The following NEB variants were observed in gnomAD, a reference collection of about 807,000 sequenced individuals.
NEB encodes the protein nemaline myopathy type 2.
Under a neutral mutation model 952.2 loss-of-function variants are expected in NEB, and 512 were observed. The observed-to-expected ratio is 0.54, with a 90% CI of 0.50 to 0.58. The LOEUF (loss-of-function observed/expected upper bound fraction) is 0.58. Ranked by LOEUF, NEB falls within the 20% of genes least tolerant of loss-of-function variation. The pLI is 0.00. For synonymous variants in NEB, 2,900 were observed against 3,149.8 expected (o/e 0.92, Z 2.66); for missense variants, 8,428 against 9,231.1 (o/e 0.91, Z 3.56).
At chr2:151,514,512 C>T in intron 158 of NEB, 84 bp from the exon 159 acceptor site, 2 of 1,135,430 alleles carry the variant, frequency 1.8e-6, no homozygotes, top group Admixed American at 1.7e-5. Context: ...AAAAACAATT[C>T]CAATTTTTAA....
chr2:151,564,444 T>C (rs966533674), intron 117 of NEB, among the ~76,000 whole-genome samples: 2 of 152,172 alleles, frequency 1.3e-5, no homozygotes, highest in Non-Finnish European at 2.9e-5. Context: ...TGAGCCACCA[T>C]GCCCAGCCAA....
chr2:151,733,101 G>GT lies in NEB; in HGVS notation c.36+19dup, dbSNP rs148527227. 7.5e-3 allele frequency: 10,571 copies of GT among 1,413,390 alleles called. 275 individuals carry two copies. The African/African-American group carries it at 0.095, about 13-fold the overall frequency. 87.6% of individuals were successfully genotyped at this position (1,413,390 alleles called of 1,614,324 possible). On this transcript the variant is annotated intron_variant, in intron 3 of 181. Transcript: ENST00000397345. ...CTACATAAAATAGTTTGCTGTCAGT[G>GT]TTTTTTTTTTAAATCTTACCTCCAC...
At chr2:151,617,527 A>G (rs2098244160) in intron 74 of NEB, 59 bp from the exon 75 acceptor site, 10 of 1,143,948 alleles carry the variant, frequency 8.7e-6, no homozygotes, top group Non-Finnish European at 1.2e-6. Context: ...GTGTTCACAG[A>G]TATTATTGTT....
In NEB at chr2:151,696,669, G is replaced by A. The variant is rs1171781332; in HGVS notation, c.1537C>T (p.Gln513Ter). 1 of 1,613,850 alleles carries A rather than the reference G, an allele frequency of 6.2e-7. No homozygotes were observed. The highest frequency in any genetic ancestry group is 8.5e-7 in the Non-Finnish European group (1 of 1,179,782). ...TQVTDSPVLL[Q>*]AQVNSKQLSD... is the part of the protein sequence containing the mutation. The stretch of plus-strand genomic sequence containing the variant: ...AGTTGTTTGGAATTGACTTGGGCTT[G>A]TAGCAGAACAGGAGAGTCTGTAACT... The change falls in exon 17 of 182, where the codon CAA becomes TAA. Residue 513 changes from glutamine to a stop codon, truncating the protein, a stop_gained. Transcript: ENST00000397345. LOFTEE classifies it high-confidence loss of function.
chr2:151,581,673 C>G (rs2097099104), intron 102 of NEB, 86 bp from the exon 103 acceptor site: 1 of 1,468,112 alleles, frequency 6.8e-7, no homozygotes, highest in Non-Finnish European at 9.2e-7. Context: ...ATAAAACATA[C>G]TTGAATAAAT....
chr2:151,495,194 CA>C (rs1415029480), intron 173 of NEB: 2 of 152,162 alleles, frequency 1.3e-5, no homozygotes, highest in African/African-American at 4.8e-5. Context: ...AGTAACACAT[CA>C]TGATAAATCC....
chr2:151,609,797 C>A lies in NEB; in HGVS notation c.12330+12G>T. 6.5e-7 allele frequency: 1 copy of A among 1,549,024 alleles called. No homozygotes were observed. ...TTCCCCTTCCCCCTTTCCCAAAATTCATGTTACGTACATCACTCTGCAGGT... is the reference window on the plus strand; with the variant it reads ...TTCCCCTTCCCCCTTTCCCAAAATTAATGTTACGTACATCACTCTGCAGGT... On this transcript the variant is annotated intron_variant, in intron 81 of 181. Coordinates refer to ENST00000397345, the MANE Select transcript of NEB (RefSeq NM_001164508.2).
At chr2:151,724,777 G>A in intron 7 of NEB, 80 bp downstream of exon 7, 1 of 1,204,498 alleles carries the variant, frequency 8.3e-7, no homozygotes, top group Admixed American at 1.9e-5. Context: ...GATCAGGCCT[G>A]TCCAATTTTC....
chr2:151,701,242 T>G lies in NEB; in HGVS notation c.1153-3594A>C, dbSNP rs1406434250. On this transcript the variant is annotated intron_variant, in intron 13 of 181. Coordinates refer to ENST00000397345, the MANE Select transcript of NEB (RefSeq NM_001164508.2). ...ACTTGATCATGGTGGATAAGCTTTT[T>G]GATGTGCTGCTGGATTCGTTTTGCC... 3.7e-3 allele frequency among the ~76,000 whole-genome samples: 549 copies of G among 147,586 alleles called. 11 individuals are homozygous for G. The East Asian group carries it at 0.056, about 15-fold the overall frequency.
chr2:151,619,700 G>A lies in NEB; in HGVS notation c.10623C>T (p.His3541=), dbSNP rs753863257. The A allele has an allele frequency of 8.1e-6, 13 of 1,613,800 alleles. No individual in the cohort carries two copies. Among genetic ancestry groups the A allele is most frequent in the South Asian group, 1.1e-5 (1 of 91,086 alleles). ...GGGACCACATTATCTTGGGGTCATCGTGTACTGCTCGGGCGCCAATGTGGT... is the reference window on the plus strand; with the variant it reads ...GGGACCACATTATCTTGGGGTCATCATGTACTGCTCGGGCGCCAATGTGGT... ...LGHHIGARAV[H]DDPKIMWSLH... is the part of the protein sequence containing the mutation. Residue 3541 remains histidine, a synonymous_variant, in exon 73 of 182, where the codon CAC becomes CAT. Coordinates refer to ENST00000397345, the MANE Select transcript of NEB (RefSeq NM_001164508.2).
chr2:151,731,605 C>T (rs1293509261), intron 3 of NEB, among the ~76,000 whole-genome samples: 1 of 152,120 alleles, frequency 6.6e-6, no homozygotes, highest in Non-Finnish European at 1.5e-5. Flanking sequence ...GCTGGTCAGA[C>T]ACAGATGCTG....
intron 57 of NEB, among the ~76,000 whole-genome samples, 197 bp from the exon 58 acceptor site, chr2:151,643,550 T>A (rs2098915229): frequency 6.6e-6 from 1 of 152,208 alleles, no homozygotes; most frequent in African/African-American, 2.4e-5. Flanking sequence ...AAGCATATTT[T>A]GAAAAACATT....
chr2:151,635,715 A>G (rs2098747925), intron 64 of NEB, among the ~76,000 whole-genome samples: 2 of 151,768 alleles, frequency 1.3e-5, no homozygotes, highest in Admixed American at 6.6e-5. Context: ...TCCAAAAAAA[A>G]AAAAAAAAAA....
chr2:151,551,503 TG>T (rs909671415), intron 129 of NEB, among the ~76,000 whole-genome samples: 14 of 152,350 alleles, frequency 9.2e-5, no homozygotes, highest in African/African-American at 3.4e-4. Flanking sequence ...CTTTCTTCTT[TG>T]TAACTTGTAA....
At chr2:151,561,465 A>C in intron 121 of NEB, among the ~76,000 whole-genome samples, 153 bp from the exon 122 acceptor site, 1 of 151,984 alleles carries the variant, frequency 6.6e-6, no homozygotes, top group Non-Finnish European at 1.5e-5. Flanking sequence ...CAGACTTTGT[A>C]TGGCTGCCAG....
chr2:151,733,235 C>T (rs1400270060), intron 2 of NEB, 50 bp from the exon 3 acceptor site: 5 of 1,221,356 alleles, frequency 4.1e-6, no homozygotes, highest in East Asian at 2.5e-5. Flanking sequence ...ATTCCCAGCA[C>T]AGAAATTATC....
intron 42 of NEB, 25 bp downstream of exon 42, chr2:151,665,308 G>C (rs2099201390): frequency 2.5e-6 from 4 of 1,608,350 alleles, no homozygotes; most frequent in Non-Finnish European, 3.4e-6. Context: ...GGTTCCCTGG[G>C]CGAGGCTGGC....
chr2:151,503,833 A>G (rs1203619993), intron 165 of NEB, among the ~76,000 whole-genome samples: 1 of 152,028 alleles, frequency 6.6e-6, no homozygotes, highest in Non-Finnish European at 1.5e-5. Flanking sequence ...ATCATAGGAT[A>G]CTCTATTCCT....
chr2:151,710,082 C>T (rs1052423403), intron 11 of NEB, among the ~76,000 whole-genome samples: 2 of 152,146 alleles, frequency 1.3e-5, no homozygotes, highest in African/African-American at 2.4e-5. Flanking sequence ...TGAGGAGATG[C>T]TAAATTAATC....
Sources: gnomAD v4.1 joint callset for allele counts (sites outside exome capture counted in the v4.1 genomes callset) on GRCh38, gnomAD v4.1.1 for gene constraint, MANE v1.5 for transcripts, NCBI Gene and HGNC (gene_info 2026-07-23, HGNC 2026-07-21) for gene names.